The following MUC20 variants were observed in gnomAD, a reference collection of about 807,000 sequenced individuals.
MUC20 encodes mucin-20.
In MUC20, 14 loss-of-function variants were observed where a neutral mutation model predicts 23.8. That is an observed-to-expected ratio of 0.59 (90% confidence interval 0.39 to 0.92). The LOEUF is 0.92. MUC20 is among the 40% of genes least tolerant of loss of function. MUC20 has a pLI of 0.00. For missense variants in MUC20, 375 were observed against 668.8 expected, an observed-to-expected ratio of 0.56 and a Z score of 4.85; for synonymous variants, 166 against 279.3, an observed-to-expected ratio of 0.59 and a Z score of 4.04.
intron 2 of MUC20, among the ~76,000 whole-genome samples, chr3:195,728,884 TA>T (rs1938104771): frequency 6.6e-6 from 1 of 152,242 alleles, no homozygotes; most frequent in African/African-American, 2.4e-5. Context: ...AACATTTTGT[TA>T]ACAAGGCACG....
rs778360468 is a variant in MUC20, at chr3:195,733,325, C to T, written c.*107C>T. ...AGCTGCGTTACTGTGCTGAGAGGTA[C>T]CCAGAAGGTTCCCATGAAGGGCAGC... On this transcript the variant is annotated 3_prime_UTR_variant, in exon 4 of 4. Coordinates refer to ENST00000447234, the MANE Select transcript of MUC20 (RefSeq NM_001282506.2). The T allele has an allele frequency of 4.7e-5, 72 of 1,524,548 alleles. No homozygotes were observed. Among genetic ancestry groups the T allele is most frequent in the Admixed American group, 6.3e-5 (3 of 47,842 alleles). 94.4% of individuals were successfully genotyped at this position (1,524,548 alleles called of 1,614,324 possible).
At position 195,729,660 on chromosome 3, in the gene MUC20, G is replaced by T; in HGVS notation, c.1982G>T (p.Gly661Val). 6.3e-7 allele frequency: 1 copy of T among 1,584,070 alleles called. No individual in the cohort carries two copies. The highest frequency in any genetic ancestry group is 8.6e-7 in the Non-Finnish European group (1 of 1,163,788). The change falls in exon 3 of 4, where the codon GGT becomes GTT. Residue 661 changes from glycine to valine, a missense_variant. By Grantham distance (109) the Gly-to-Val change is moderately radical. Around this residue, in one of 4 missense-constraint regions of MUC20, gnomAD observed 343 missense variants for 340.2 expected, o/e 1.01. Coordinates refer to ENST00000447234, the MANE Select transcript of MUC20 (RefSeq NM_001282506.2). ...TCTCCATTTGCAGGTGAAAATGGAGGTTTCCTCCTCCTGCGGCTGAGTGTG... is the reference window on the plus strand; with the variant it reads ...TCTCCATTTGCAGGTGAAAATGGAGTTTTCCTCCTCCTGCGGCTGAGTGTG... Reference protein sequence around the residue: ...TTDVSAGENGGFLLLRLSVAS... With the variant: ...TTDVSAGENGVFLLLRLSVAS...
intron 2 of MUC20, among the ~76,000 whole-genome samples, chr3:195,728,149 G>A (rs1291279751): frequency 6.6e-6 from 1 of 152,294 alleles, no homozygotes; most frequent in African/African-American, 2.4e-5. Flanking sequence ...AGTCGGGTGG[G>A]ATGAGAGACT....
At chr3:195,727,459 G>C (rs1712817198) in intron 2 of MUC20, among the ~76,000 whole-genome samples, 1 of 152,264 alleles carries the variant, frequency 6.6e-6, no homozygotes, top group Non-Finnish European at 1.5e-5. Flanking sequence ...GACTTCTCAG[G>C]GGAGAAGTTC....
intron 2 of MUC20, chr3:195,729,350 C>G (rs374974509): frequency 2.6e-3 from 482 of 184,594 alleles, no homozygotes; most frequent in South Asian, 7.3e-3. Context: ...CAGTTTCGCT[C>G]TTGTTGCCCA....
chr3:195,733,397 C>A lies in MUC20; in HGVS notation c.*179C>A. 2 of 1,458,262 alleles carry A rather than the reference C, an allele frequency of 1.4e-6. No individual in the cohort carries two copies. The highest frequency in any genetic ancestry group is 1.8e-6 in the Non-Finnish European group (2 of 1,106,878). 90.3% of individuals were successfully genotyped at this position (1,458,262 alleles called of 1,614,324 possible). A position where few individuals can be genotyped will look rare whatever the true frequency, so the allele number is the denominator to read the frequency against. The stretch of plus-strand genomic sequence containing the variant: ...GATGTGGCAACAGGACCCTCGCTCA[C>A]ATCCACCGGAGTGTATGTGTGGGGA... On this transcript the variant is annotated 3_prime_UTR_variant, in exon 4 of 4. Transcript: ENST00000447234.
In MUC20 at chr3:195,733,214, G is replaced by C; in HGVS notation, c.2126G>C (p.Gly709Ala). The change falls in exon 4 of 4, where the codon GGC (glycine) becomes GCC (alanine). Residue 709 changes from glycine (G) to alanine (A), a missense_variant. This residue lies in a region of MUC20 where 343 missense variants were observed against 340.2 expected (regional missense o/e 1.01). Coordinates refer to ENST00000447234, the MANE Select transcript of MUC20 (RefSeq NM_001282506.2). ...GTCTCCTTACTGCGTGTCAGGAGAG[G>C]CTAACGGACATCAGCTGCAGCCAGG... ...FQVSLLRVRR[G>A] 1 of 1,590,220 alleles carries C rather than the reference G, an allele frequency of 6.3e-7. No homozygotes were observed. The highest frequency in any genetic ancestry group is 8.6e-7 in the Non-Finnish European group (1 of 1,169,324).
rs764724566 is a variant in MUC20 at position 195,726,092 on chromosome 3, G to T, written c.1489G>T (p.Gly497Trp). 1 of 1,611,172 alleles carries T rather than the reference G, an allele frequency of 6.2e-7. No homozygotes were observed. Among genetic ancestry groups the T allele is most frequent in the Non-Finnish European group, 8.5e-7 (1 of 1,177,528 alleles). The change falls in exon 2 of 4, where the codon GGG becomes TGG. Residue 497 changes from glycine to tryptophan, a missense_variant. By Grantham distance (184) the Gly-to-Trp change is radical (BLOSUM62 -2). Coordinates refer to ENST00000447234, the MANE Select transcript of MUC20 (RefSeq NM_001282506.2). ...TESAAPDATV[G>W]TPLPTNSATE... The stretch of plus-strand genomic sequence containing the variant: ...GTCAGCTGCACCTGATGCCACGGTT[G>T]GGACCCCACTCCCCACTAACAGCGC...
At chr3:195,721,621 A>G (rs1712110185) in intron 1 of MUC20, 1 of 168,204 alleles carries the variant, frequency 5.9e-6, no homozygotes, top group African/African-American at 2.4e-5. Context: ...GCTTTTGTGA[A>G]AGACGGGAAT....
Position 195,733,220 on chromosome 3 carries a change from G to C in MUC20, c.*2G>C. The C allele has an allele frequency of 6.3e-7, 1 of 1,587,536 alleles. No homozygotes were observed. The highest frequency in any genetic ancestry group is 8.6e-7 in the Non-Finnish European group (1 of 1,168,024). ...TTACTGCGTGTCAGGAGAGGCTAAC[G>C]GACATCAGCTGCAGCCAGGCATGTC... On this transcript the variant is annotated 3_prime_UTR_variant, in exon 4 of 4. Transcript: ENST00000447234.
chr3:195,731,019 A>G (rs187779224), intron 3 of MUC20, among the ~76,000 whole-genome samples: 18 of 152,356 alleles, frequency 1.2e-4, no homozygotes, highest in East Asian at 7.7e-4. Context: ...GTGTGGTACA[A>G]AGTAGCAGAT....
intron 2 of MUC20, among the ~76,000 whole-genome samples, chr3:195,729,091 C>G (rs1713071617): frequency 6.6e-6 from 1 of 152,242 alleles, no homozygotes; most frequent in Non-Finnish European, 1.5e-5. Context: ...CTTCTTTTCC[C>G]TGGAAAGAAA....
chr3:195,731,939 C>T (rs1300159858), intron 3 of MUC20, among the ~76,000 whole-genome samples: 3 of 152,214 alleles, frequency 2.0e-5, no homozygotes, highest in Non-Finnish European at 2.9e-5. Context: ...ATCAAAGTAG[C>T]GAGTGTGAAT....
intron 1 of MUC20, among the ~76,000 whole-genome samples, chr3:195,723,017 C>T (rs11185529): frequency 0.62 from 71,140 of 115,338 alleles, 23,544 homozygotes; most frequent in East Asian, 0.8. Context: ...AGCCCTTTCA[C>T]CTTCTCCGCT....
intron 3 of MUC20, among the ~76,000 whole-genome samples, chr3:195,732,126 T>C (rs1466354414): frequency 1.4e-5 from 2 of 147,074 alleles, no homozygotes; most frequent in East Asian, 2.2e-4. Context: ...GCCTCAACCT[T>C]CTGAGTAGCT....
chr3:195,728,074 A>G (rs1712897109), intron 2 of MUC20, among the ~76,000 whole-genome samples: 1 of 149,766 alleles, frequency 6.7e-6, no homozygotes, highest in Admixed American at 6.6e-5. Context: ...AGGGTTAAAG[A>G]TGGTAGCTAA....
Position 195,726,566 on chromosome 3 carries a change from A to G in MUC20, c.1963A>G (p.Ser655Gly). ...TARTRPTTDV[S>G]AGENGGFLLL... Reference sequence around the variant, plus strand: ...CCGGACGAGGCCGACCACAGACGTGAGTGCAGGTAAGTGGCTCCTGCTGGT... The same window carrying G: ...CCGGACGAGGCCGACCACAGACGTGGGTGCAGGTAAGTGGCTCCTGCTGGT... Residue 655 changes from serine (S) to glycine (G), a missense_variant, in exon 2 of 4, where the codon AGT becomes GGT. Transcript: ENST00000447234. The G allele has an allele frequency of 6.2e-7, 1 of 1,608,256 alleles. No homozygotes were observed. The highest frequency in any genetic ancestry group is 8.5e-7 in the Non-Finnish European group (1 of 1,176,024).
chr3:195,728,142 C>T (rs934857127), intron 2 of MUC20, among the ~76,000 whole-genome samples: 2 of 152,256 alleles, frequency 1.3e-5, no homozygotes, highest in Non-Finnish European at 1.5e-5. Flanking sequence ...TATTTCTAGT[C>T]GGGTGGGATG....
At chr3:195,727,158 G>T (rs1371922747) in intron 2 of MUC20, among the ~76,000 whole-genome samples, 14 of 152,264 alleles carry the variant, frequency 9.2e-5, no homozygotes, top group African/African-American at 3.4e-4. Flanking sequence ...CCAGCACTTT[G>T]GGAGGCAGAG....
Sources: gnomAD v4.1 joint callset for allele counts (sites outside exome capture counted in the v4.1 genomes callset) on GRCh38, gnomAD v4.1.1 for gene constraint, gnomAD v4.1.1 regional missense constraint, MANE v1.5 for transcripts, NCBI Gene and HGNC (gene_info 2026-07-23, HGNC 2026-07-21) for gene names.